Variants in NPLOC4 observed in about 807,000 individuals in gnomAD.
NPLOC4 encodes the protein NPL4 homolog, ubiquitin recognition factor.
In NPLOC4, 18 loss-of-function variants were observed where a neutral mutation model predicts 80.6. That is an observed-to-expected ratio of 0.22 (90% CI 0.15 to 0.33). NPLOC4 has a LOEUF of 0.33. NPLOC4 is among the 10% of genes least tolerant of loss of function. NPLOC4 has a pLI of 1.00. For synonymous variants in NPLOC4, 313 were observed against 301.5 expected (o/e 1.04, Z -0.39); for missense variants, 540 against 786.1 (o/e 0.69, Z 3.74).
At chr17:81,576,680 A>G (rs1258803172) in intron 12 of NPLOC4, among the ~76,000 whole-genome samples, 1 of 152,246 alleles carries the variant, frequency 6.6e-6, no homozygotes, top group Non-Finnish European at 1.5e-5. Context: ...ACAAAGGGTT[A>G]ATATACAAAG....
rs933342946 is a variant in NPLOC4 at position 81,569,128 on chromosome 17, C to A, written c.1354-17G>T. Reference sequence around the variant, plus strand: ...TGTTGTGATCTAATGAAGAAAAACACAAACCCATGATAAATGAGGCTGAAA... The same window carrying A: ...TGTTGTGATCTAATGAAGAAAAACAAAAACCCATGATAAATGAGGCTGAAA... On this transcript the variant is annotated splice_polypyrimidine_tract_variant and intron_variant, in intron 13 of 16. Transcript: ENST00000331134. 1.9e-6 allele frequency: 3 copies of A among 1,551,218 alleles called. No individual in the cohort carries two copies. The highest frequency in any genetic ancestry group is 2.7e-5 in the African/African-American group (2 of 73,568).
chr17:81,615,912 G>A (rs1244572687), intron 3 of NPLOC4, among the ~76,000 whole-genome samples: 1 of 152,206 alleles, frequency 6.6e-6, no homozygotes, highest in African/African-American at 2.4e-5. Flanking sequence ...GCAGAACCAG[G>A]GATGATGCCA....
Position 81,596,255 on chromosome 17 carries a change from AAGCAGCCTATCAAATTTTAC to A in NPLOC4, c.994-33_994-14del. ...GGAAATAGGTGTCCTAAGACAAGAG[AAGCAGCCTATCAAATTTTAC>A]AGCATCATGCCAAAATATACTTCTA... On this transcript the variant is annotated splice_polypyrimidine_tract_variant and intron_variant, in intron 10 of 16. Coordinates refer to ENST00000331134, the MANE Select transcript of NPLOC4 (RefSeq NM_017921.4). 1 of 1,597,912 alleles carries A rather than the reference AAGCAGCCTATCAAATTTTAC, an allele frequency of 6.3e-7. No individual in the cohort carries two copies. The highest frequency in any genetic ancestry group is 8.5e-7 in the Non-Finnish European group (1 of 1,170,528).
At chr17:81,583,109 T>C (rs2034488952) in intron 12 of NPLOC4, among the ~76,000 whole-genome samples, 1 of 152,270 alleles carries the variant, frequency 6.6e-6, no homozygotes, top group African/African-American at 2.4e-5. Flanking sequence ...AAACTCTTCT[T>C]CCTAATTATC....
At chr17:81,560,340 G>A (rs1350512291) in intron 16 of NPLOC4, among the ~76,000 whole-genome samples, 1 of 152,094 alleles carries the variant, frequency 6.6e-6, no homozygotes, top group Admixed American at 6.5e-5. Flanking sequence ...ATGAACCCGG[G>A]AGGGGAAGCC....
At chr17:81,631,987 T>C (rs186226080) in intron 1 of NPLOC4, among the ~76,000 whole-genome samples, 5 of 151,612 alleles carry the variant, frequency 3.3e-5, no homozygotes, top group Admixed American at 6.6e-5. Flanking sequence ...TTTGAGACAG[T>C]CTTTTTCCGT....
chr17:81,608,293 C>G (rs1255879709), intron 6 of NPLOC4, among the ~76,000 whole-genome samples: 1 of 152,242 alleles, frequency 6.6e-6, no homozygotes, highest in Admixed American at 6.5e-5. Flanking sequence ...ACAGAATCAA[C>G]AGGCCACCAT....
At position 81,572,718 on chromosome 17, in the gene NPLOC4, G is replaced by T. The variant is rs957613550; in HGVS notation, c.1282-630C>A. Among the ~76,000 whole-genome samples the T allele has an allele frequency of 6.6e-6, 1 of 152,202 alleles. No homozygotes were observed. The highest frequency in any genetic ancestry group is 2.4e-5 in the African/African-American group (1 of 41,440). On this transcript the variant is annotated intron_variant, in intron 12 of 16. Coordinates refer to ENST00000331134, the MANE Select transcript of NPLOC4 (RefSeq NM_017921.4). This position sits in a 1 kb window ranked among gnomAD's most constrained non-coding sequence, Gnocchi z 4.5. ...GGCCTGGCACTCAGGCGCGATCTGC[G>T]ACAGGCAGAAGGGTCTGCGTTCCCC... is the stretch of plus-strand genomic sequence containing the variant.
intron 2 of NPLOC4, among the ~76,000 whole-genome samples, chr17:81,627,542 C>T (rs1277074259): frequency 3.9e-5 from 6 of 151,980 alleles, no homozygotes; most frequent in Admixed American, 3.9e-4. Context: ...GAGTTCGAGA[C>T]CAGCCTGACC....
intron 8 of NPLOC4, among the ~76,000 whole-genome samples, chr17:81,603,398 C>A (rs115103633): frequency 1.3e-5 from 2 of 151,988 alleles, no homozygotes; most frequent in East Asian, 1.9e-4. Flanking sequence ...TAGTTCAAGA[C>A]CAACCTGGGC....
intron 3 of NPLOC4, among the ~76,000 whole-genome samples, chr17:81,616,945 GC>G (rs1307321512): frequency 1.3e-5 from 2 of 152,202 alleles, no homozygotes; most frequent in African/African-American, 4.8e-5. Flanking sequence ...CATGGAAGTG[GC>G]AGGCACCAAA....
intron 3 of NPLOC4, among the ~76,000 whole-genome samples, chr17:81,616,931 A>G (rs2035509823): frequency 6.6e-6 from 1 of 152,222 alleles, no homozygotes; most frequent in East Asian, 1.9e-4. Context: ...GCGGGATTCT[A>G]GGACATGGAA....
intron 12 of NPLOC4, 127 bp downstream of exon 12, chr17:81,588,817 G>T: frequency 2.6e-6 from 2 of 769,142 alleles, no homozygotes; most frequent in Non-Finnish European, 4.2e-6. Flanking sequence ...AGCCTTTAGT[G>T]ACAAGCAGGG....
intron 16 of NPLOC4, among the ~76,000 whole-genome samples, chr17:81,559,746 T>C (rs1324149031): frequency 1.3e-4 from 19 of 148,768 alleles, no homozygotes; most frequent in African/African-American, 4.8e-4. Context: ...TTTTTTTTTT[T>C]TTCTGAGGTA....
rs894227568 is a variant in NPLOC4, at chr17:81,558,995, G to C, written c.*264C>G. The C allele has an allele frequency of 1.4e-5, 6 of 414,708 alleles. No homozygotes were observed. The Admixed American group carries it at 1.7e-4, about 12-fold the overall frequency. 25.7% of individuals were successfully genotyped at this position (414,708 alleles called of 1,614,324 possible). On this transcript the variant is annotated 3_prime_UTR_variant, in exon 17 of 17. Coordinates refer to ENST00000331134, the MANE Select transcript of NPLOC4 (RefSeq NM_017921.4). ...GTCTTTCCAACACGGCGGGGGACTT[G>C]TCAACAGGATTAGGCGTGAGGAGCC... is the stretch of plus-strand genomic sequence containing the variant.
At chr17:81,619,967 A>G (rs2035621519) in intron 3 of NPLOC4, among the ~76,000 whole-genome samples, 1 of 152,032 alleles carries the variant, frequency 6.6e-6, no homozygotes. Context: ...ACCGCTTTGC[A>G]TCGGCAGGAA....
intron 11 of NPLOC4, among the ~76,000 whole-genome samples, chr17:81,595,365 C>T (rs534581192): frequency 1.4e-5 from 2 of 146,130 alleles, no homozygotes; most frequent in South Asian, 2.2e-4. Context: ...ACCCAGGAGG[C>T]GGACGTTGCA....
Position 81,557,763 on chromosome 17 carries a change from A to G in NPLOC4, c.*1496T>C, listed in dbSNP as rs138332158. The G allele has an allele frequency of 6.6e-6, 1 of 152,400 alleles. No individual in the cohort carries two copies. Among genetic ancestry groups the G allele is most frequent in the East Asian group, 1.9e-4 (1 of 5,188 alleles). The allele number at this position is 152,400 out of a possible 1,614,324, so 9.4% of individuals were successfully genotyped here. ...TCTCCACCCTTCCTGACCCTCCACA[A>G]TAGCTCTGCCGTGACCAGACCCAAC... On this transcript the variant is annotated 3_prime_UTR_variant, in exon 17 of 17. Transcript: ENST00000331134.
chr17:81,587,516 C>T (rs370443079), intron 12 of NPLOC4, among the ~76,000 whole-genome samples: 2 of 149,420 alleles, frequency 1.3e-5, no homozygotes, highest in East Asian at 2.0e-4. Flanking sequence ...GGGGTTTCAC[C>T]GTGTTAGCCA....
Sources: allele counts gnomAD v4.1 joint callset (sites outside exome capture counted in the v4.1 genomes callset), GRCh38; gene constraint gnomAD v4.1.1; non-coding constraint Gnocchi (gnomAD v3.1); transcripts MANE v1.5; gene names NCBI Gene and HGNC (gene_info 2026-07-23, HGNC 2026-07-21).